APOO: variants seen among roughly 807,000 people sequenced by gnomAD.
The protein encoded by APOO is MICOS complex subunit MIC26.
Under a neutral mutation model 23.1 loss-of-function variants are expected in APOO, and 11 were observed. The observed-to-expected ratio is 0.48, with a 90% CI of 0.30 to 0.79. The LOEUF is 0.79. Among genes scored for constraint, APOO ranks in the 30% least tolerant of loss-of-function variants. The pLI is 0.07. For synonymous variants in APOO, 59 were observed against 54.8 expected (o/e 1.08, Z -0.34); for missense variants, 160 against 142.7 (o/e 1.12, Z -0.62).
intron 8 of APOO, among the ~76,000 whole-genome samples, chrX:23,835,962 A>G (rs1474115762): frequency 8.9e-6 from 1 of 112,500 alleles, no homozygotes; most frequent in African/African-American, 3.2e-5. Flanking sequence ...GCAAGGGACA[A>G]TGAGGGAGCG....
At chrX:23,903,774 C>A (rs902239711) in intron 1 of APOO, among the ~76,000 whole-genome samples, 1 of 111,586 alleles carries the variant, frequency 9.0e-6, no homozygotes, top group Non-Finnish European at 1.9e-5. Flanking sequence ...CCAAAACATA[C>A]CATTCTGTTG....
At chrX:23,867,573 C>T (rs962490012) in intron 5 of APOO, among the ~76,000 whole-genome samples, 1 of 111,201 alleles carries the variant, frequency 9.0e-6, no homozygotes, top group African/African-American at 3.3e-5. Flanking sequence ...GACGGAGTCT[C>T]GCACTGTCGC....
intron 1 of APOO, among the ~76,000 whole-genome samples, chrX:23,903,759 A>G (rs1417940230): frequency 8.9e-6 from 1 of 111,948 alleles, no homozygotes; most frequent in Non-Finnish European, 1.9e-5. Flanking sequence ...CAACCCCACA[A>G]GTTTCCAAAA....
intron 5 of APOO, among the ~76,000 whole-genome samples, chrX:23,862,825 GGAA>G (rs1325028436): frequency 1.2e-5 from 1 of 84,671 alleles, no homozygotes; most frequent in Non-Finnish European, 2.3e-5. Context: ...GAGAAGGGAA[GGAA>G]GAAGGAGGGA....
chrX:23,891,566 G>A (rs1926655507), intron 1 of APOO, among the ~76,000 whole-genome samples: 1 of 111,626 alleles, frequency 9.0e-6, no homozygotes, highest in South Asian at 3.7e-4. Flanking sequence ...TGCTACTGAT[G>A]CTCAAATCAG....
chrX:23,848,078 T>A (rs187409855), intron 7 of APOO, among the ~76,000 whole-genome samples: 1 of 107,856 alleles, frequency 9.3e-6, no homozygotes, highest in African/African-American at 3.4e-5. Flanking sequence ...TTTCACCATG[T>A]TAGCTAGGAT....
chrX:23,869,033 C>G (rs1253965031), intron 4 of APOO, among the ~76,000 whole-genome samples: 2 of 108,891 alleles, frequency 1.8e-5, no homozygotes, highest in Admixed American at 2.0e-4. Context: ...CTCAGCCTCC[C>G]AAGTAGCTGG....
chrX:23,857,563 T>A (rs774438555), intron 6 of APOO, among the ~76,000 whole-genome samples: 1 of 111,712 alleles, frequency 9.0e-6, no homozygotes, highest in African/African-American at 3.2e-5. Context: ...CACTGGACTC[T>A]CACATACAAC....
At chrX:23,865,633 G>A (rs917253868) in intron 5 of APOO, among the ~76,000 whole-genome samples, 4 of 108,406 alleles carry the variant, frequency 3.7e-5, no homozygotes, top group African/African-American at 1.3e-4. Context: ...CTATCAGGAG[G>A]GACCTTCTGC....
chrX:23,877,648 C>T (rs1219286632), intron 3 of APOO, among the ~76,000 whole-genome samples: 6 of 110,392 alleles, frequency 5.4e-5, no homozygotes, highest in Non-Finnish European at 9.5e-5. Context: ...GTAGCTCGTG[C>T]CTGTAATCCC....
intron 1 of APOO, among the ~76,000 whole-genome samples, chrX:23,902,738 C>T (rs1279663120): frequency 8.9e-6 from 1 of 111,776 alleles, no homozygotes; most frequent in Non-Finnish European, 1.9e-5. Flanking sequence ...ACTAGTCAGA[C>T]ACACTGCACT....
At chrX:23,906,438 C>T (rs1307394955) in intron 1 of APOO, among the ~76,000 whole-genome samples, 2 of 112,110 alleles carry the variant, frequency 1.8e-5, no homozygotes, top group Non-Finnish European at 3.8e-5. Flanking sequence ...AGCTGAGGGC[C>T]CCAGGTTAGG....
Position 23,852,632 on chromosome X carries a change from A to T in APOO, c.561+3670T>A, listed in dbSNP as rs149260926. On this transcript the variant is annotated intron_variant, in intron 7 of 8. Transcript: ENST00000379226. ...CTGTCTCAAAAAAAAAAAAAATATGAATTAGATGATACTTAATTGAGACTG... is the reference window on the plus strand; with the variant it reads ...CTGTCTCAAAAAAAAAAAAAATATGTATTAGATGATACTTAATTGAGACTG... Among the ~76,000 whole-genome samples the T allele has an allele frequency of 3.7e-4, 41 of 109,480 alleles. No individual in the cohort carries two copies. The East Asian group carries it at 0.012, about 31-fold the overall frequency.
At chrX:23,887,229 C>CTTTTTTTTTTTTTTTTTT (rs765596270) in intron 1 of APOO, among the ~76,000 whole-genome samples, 3 of 54,211 alleles carry the variant, frequency 5.5e-5, no homozygotes, top group African/African-American at 7.0e-5. Context: ...TTCTTTTTCC[C>CTTTTTTTTTTTTTTTTTT]TTTTTTTTTT....
At chrX:23,861,414 C>T (rs1051160632) in intron 5 of APOO, among the ~76,000 whole-genome samples, 3 of 109,736 alleles carry the variant, frequency 2.7e-5, no homozygotes, top group East Asian at 2.8e-4. Context: ...CACCAGAAGC[C>T]GAGGAGATGC....
intron 1 of APOO, among the ~76,000 whole-genome samples, chrX:23,906,546 T>C (rs1250851136): frequency 3.6e-5 from 4 of 112,633 alleles, no homozygotes; most frequent in Non-Finnish European, 7.5e-5. Flanking sequence ...ATATCTTTCC[T>C]TGTTGTAACC....
intron 1 of APOO, among the ~76,000 whole-genome samples, chrX:23,899,687 C>G (rs776380535): frequency 8.9e-6 from 1 of 111,859 alleles, no homozygotes; most frequent in African/African-American, 3.2e-5. Context: ...AAAAATAAGT[C>G]TAAACTTTTT....
intron 1 of APOO, among the ~76,000 whole-genome samples, chrX:23,904,357 A>G (rs1175433278): frequency 9.0e-6 from 1 of 110,833 alleles, no homozygotes; most frequent in Admixed American, 9.7e-5. Context: ...AGACTGAAGG[A>G]CCAAGTGTGG....
intron 7 of APOO, among the ~76,000 whole-genome samples, chrX:23,854,794 A>T (rs1332467585): frequency 3.6e-5 from 4 of 110,810 alleles, no homozygotes; most frequent in African/African-American, 1.3e-4. Flanking sequence ...AAGTGCTGGG[A>T]TTACAGGCAT....
Sources: gnomAD v4.1 joint callset for allele counts (sites outside exome capture counted in the v4.1 genomes callset) on GRCh38, gnomAD v4.1.1 for gene constraint, MANE v1.5 for transcripts, NCBI Gene and HGNC (gene_info 2026-07-23, HGNC 2026-07-21) for gene names.